Variants in MYRFL observed in about 807,000 individuals in gnomAD.
MYRFL encodes myelin regulatory factor like, also known as myelin regulatory factor-like protein.
In MYRFL, 88 loss-of-function variants were observed where a neutral mutation model predicts 109.4. That is an observed-to-expected ratio of 0.80 (90% CI 0.68 to 0.96). The LOEUF (loss-of-function observed/expected upper bound fraction) is 0.96. Among genes scored for constraint, MYRFL ranks in the 40% least tolerant of loss-of-function variants. The pLI, the probability that MYRFL is intolerant of heterozygous loss-of-function variation, is 0.00. For synonymous variants in MYRFL, 324 were observed against 320.9 expected (o/e 1.01, Z -0.10); for missense variants, 957 against 954.9 (o/e 1.00, Z -0.03).
At position 69,945,659 on chromosome 12, in the gene MYRFL, C is replaced by T. The variant is rs150367151; in HGVS notation, c.2225-6454C>T. On this transcript the variant is annotated intron_variant, in intron 19 of 24. Coordinates refer to ENST00000552032, the MANE Select transcript of MYRFL (RefSeq NM_182530.3). ...GCCCTTATTAAACCAGATCAAGGCT[C>T]GTTGCTCTCTGTGACAATACAGAAT... is the stretch of plus-strand genomic sequence containing the variant. 1.7e-3 allele frequency among the ~76,000 whole-genome samples: 253 copies of T among 152,196 alleles called. 1 individual carries two copies. The highest frequency in any genetic ancestry group is 5.8e-3 in the African/African-American group (241 of 41,518).
Position 69,825,422 on chromosome 12 carries a change from G to C in MYRFL, c.-96G>C. The C allele has an allele frequency of 1.4e-6, 1 of 691,220 alleles. No individual in the cohort carries two copies. The highest frequency in any genetic ancestry group is 1.5e-5 in the South Asian group (1 of 65,164). 42.8% of individuals were successfully genotyped at this position (691,220 alleles called of 1,614,324 possible). ...TAAAAAGAAAATGAAGATTTTTCAA[G>C]AGCATTCGTAGGCTTCGAATCAAAA... On this transcript the variant is annotated 5_prime_UTR_variant, in exon 1 of 25. Transcript: ENST00000552032.
At chr12:69,891,611 CTTTCTTTCTTTCCTCCTTCCTTTCTTTT>C (rs1886839613) in intron 7 of MYRFL, among the ~76,000 whole-genome samples, 3 of 107,392 alleles carry the variant, frequency 2.8e-5, no homozygotes, top group Admixed American at 8.8e-5. Context: ...CTTTCTCTTT[CTTTCTTTCTTTCCTCCTTCCTTTCTTTT>C]TCTTTCTTTC....
intron 5 of MYRFL, among the ~76,000 whole-genome samples, chr12:69,880,951 G>GTTTTTTCTTTTTTTTT (rs1886050387): frequency 8.9e-6 from 1 of 112,626 alleles, no homozygotes; most frequent in Non-Finnish European, 1.8e-5. Context: ...CAGCCTTCCT[G>GTTTTTTCTTTTTTTTT]TTTTTTTTTT....
intron 8 of MYRFL, 49 bp downstream of exon 8, chr12:69,893,889 AC>A: frequency 3.5e-6 from 3 of 853,398 alleles, no homozygotes; most frequent in Non-Finnish European, 4.7e-6. Context: ...GTGAATAAAC[AC>A]CTACTTTGTT....
At chr12:69,834,586 T>C (rs1882826055) in intron 1 of MYRFL, among the ~76,000 whole-genome samples, 1 of 152,208 alleles carries the variant, frequency 6.6e-6, no homozygotes, top group Non-Finnish European at 1.5e-5. Context: ...GAATAAATGG[T>C]AGTGGTTTTT....
At chr12:69,930,607 C>T (rs145843268) in intron 15 of MYRFL, among the ~76,000 whole-genome samples, 85 of 151,826 alleles carry the variant, frequency 5.6e-4, no homozygotes, top group African/African-American at 1.9e-3. Flanking sequence ...TCACTTGAGC[C>T]CAGGAGTTCA....
chr12:69,828,518 A>G (rs537981405), intron 1 of MYRFL, among the ~76,000 whole-genome samples: 20 of 152,224 alleles, frequency 1.3e-4, no homozygotes, highest in African/African-American at 4.8e-4. Context: ...ATCTTTAGAA[A>G]TCTATATGCT....
chr12:69,933,002 T>C (rs915422865), intron 16 of MYRFL, among the ~76,000 whole-genome samples: 1 of 152,116 alleles, frequency 6.6e-6, no homozygotes, highest in Non-Finnish European at 1.5e-5. Flanking sequence ...AAATCAAGTA[T>C]AATCCACTCT....
intron 1 of MYRFL, among the ~76,000 whole-genome samples, chr12:69,826,850 A>G (rs530371633): frequency 3.5e-4 from 53 of 152,218 alleles, no homozygotes; most frequent in Admixed American, 1.8e-3. Context: ...TACCTCTACT[A>G]TTCAGCAAAT....
chr12:69,889,795 C>A (rs868771930), intron 6 of MYRFL, among the ~76,000 whole-genome samples: 1 of 151,744 alleles, frequency 6.6e-6, no homozygotes, highest in African/African-American at 2.4e-5. Context: ...AGGCGGAGGT[C>A]GCAGTGAGCT....
intron 13 of MYRFL, among the ~76,000 whole-genome samples, chr12:69,913,370 C>A (rs1377830221): frequency 6.6e-6 from 1 of 152,136 alleles, no homozygotes; most frequent in African/African-American, 2.4e-5. Context: ...TCCAGGAAAT[C>A]ATTGCCAAAT....
chr12:69,905,648 A>G (rs535813774), intron 11 of MYRFL, among the ~76,000 whole-genome samples: 4 of 152,366 alleles, frequency 2.6e-5, no homozygotes, highest in African/African-American at 9.6e-5. Flanking sequence ...CTAAACTCAT[A>G]TATGTAAGGT....
intron 2 of MYRFL, among the ~76,000 whole-genome samples, chr12:69,871,008 A>G: frequency 6.6e-6 from 1 of 152,152 alleles, no homozygotes; most frequent in East Asian, 1.9e-4. Flanking sequence ...TGTCAGGGTA[A>G]CTAAACAACT....
chr12:69,887,333 T>C (rs779933892), intron 6 of MYRFL, among the ~76,000 whole-genome samples: 9 of 152,172 alleles, frequency 5.9e-5, no homozygotes, highest in African/African-American at 2.2e-4. Context: ...AAAATACTTT[T>C]CTGGGGGCCA....
At chr12:69,893,581 C>T (rs1349559448) in intron 7 of MYRFL, among the ~76,000 whole-genome samples, 183 bp from the exon 8 acceptor site, 1 of 152,046 alleles carries the variant, frequency 6.6e-6, no homozygotes, top group African/African-American at 2.4e-5. Context: ...TATTTCTTTC[C>T]TCATCAACAG....
At chr12:69,853,549 AGAC>A (rs1345338022) in intron 1 of MYRFL, among the ~76,000 whole-genome samples, 1 of 135,706 alleles carries the variant, frequency 7.4e-6, no homozygotes, top group Non-Finnish European at 1.6e-5. Context: ...CCCACATCTC[AGAC>A]GACGGGCGGC....
chr12:69,878,396 G>A (rs1271357936), intron 2 of MYRFL, among the ~76,000 whole-genome samples: 1 of 152,116 alleles, frequency 6.6e-6, no homozygotes, highest in African/African-American at 2.4e-5. Flanking sequence ...AATCATTGCT[G>A]TAGGGACAGC....
chr12:69,894,874 T>C (rs926430614), intron 8 of MYRFL, among the ~76,000 whole-genome samples: 5 of 152,172 alleles, frequency 3.3e-5, no homozygotes, highest in African/African-American at 7.2e-5. Context: ...TAAATGTGCG[T>C]GGTGCATCTG....
In MYRFL at chr12:69,927,259, A is replaced by G. The variant is rs560055282; in HGVS notation, c.1767-426A>G. On this transcript the variant is annotated intron_variant, in intron 14 of 24. Coordinates refer to ENST00000552032, the MANE Select transcript of MYRFL (RefSeq NM_182530.3). ...CACGCCCGGCCCTGTTGCTGTTTTA[A>G]AAGTGGAAAAAAACCATGAGACATC... Among the ~76,000 whole-genome samples the G allele has an allele frequency of 3.3e-5, 5 of 152,146 alleles. No homozygotes were observed. The East Asian group carries it at 9.7e-4, about 29-fold the overall frequency.
Sources: allele counts gnomAD v4.1 joint callset (sites outside exome capture counted in the v4.1 genomes callset), GRCh38; gene constraint gnomAD v4.1.1; transcripts MANE v1.5; gene names NCBI Gene and HGNC (gene_info 2026-07-23, HGNC 2026-07-21).